RRP7A: variants seen among roughly 807,000 people sequenced by gnomAD.
RRP7A encodes ribosomal RNA processing 7 homolog A.
RRP7A carries 27 observed loss-of-function variants against 38.4 expected under a neutral mutation model. That is an observed-to-expected ratio of 0.70 (90% CI 0.52 to 0.97). RRP7A has a LOEUF of 0.97. Among genes scored for constraint, RRP7A ranks in the 50% least tolerant of loss-of-function variants. The pLI, the probability that RRP7A is intolerant of heterozygous loss-of-function variation, is 0.00. For synonymous variants in RRP7A, 124 were observed against 150.3 expected (o/e 0.83, Z 1.28); for missense variants, 327 against 375.4 (o/e 0.87, Z 1.07).
rs1487197726 is a variant in RRP7A at position 42,511,339 on chromosome 22, G to C, written c.*1571C>G. ...TTACAGGCACCTGCCACCATGCCCA[G>C]CTAATTTTTATATTTTTAAGAGATG... is the stretch of plus-strand genomic sequence containing the variant. On this transcript the variant is annotated 3_prime_UTR_variant, in exon 7 of 7. Transcript: ENST00000323013. 6.6e-6 allele frequency: 1 copy of C among 152,318 alleles called. No homozygotes were observed. The highest frequency in any genetic ancestry group is 6.6e-5 in the Admixed American group (1 of 15,266). 9.4% of individuals were successfully genotyped at this position (152,318 alleles called of 1,614,324 possible).
At position 42,516,112 on chromosome 22, in the gene RRP7A, T is replaced by TG; in HGVS notation, c.240dup (p.Thr81HisfsTer18). ...TCTACAGACTGGACGAGGCCACAGG[T>TG]GGACAGGAGGCGGGACAGGCTCTCC... is the stretch of plus-strand genomic sequence containing the variant. On this transcript the variant is annotated frameshift_variant, in exon 3 of 7. Transcript: ENST00000323013. LOFTEE classifies it high-confidence loss of function. The TG allele has an allele frequency of 1.9e-6, 3 of 1,613,528 alleles. No homozygotes were observed. Among genetic ancestry groups the TG allele is most frequent in the Non-Finnish European group, 2.5e-6 (3 of 1,179,738 alleles).
chr22:42,516,403 G>A (rs1481048883), intron 2 of RRP7A: 1 of 497,574 alleles, frequency 2.0e-6, no homozygotes, highest in Non-Finnish European at 3.9e-6. Flanking sequence ...TCCACCTTCG[G>A]GTTGCAAGTG....
At position 42,510,846 on chromosome 22, in the gene RRP7A, A is replaced by G. The variant is rs976015904; in HGVS notation, c.*2064T>C. On this transcript the variant is annotated 3_prime_UTR_variant, in exon 7 of 7. Transcript: ENST00000323013. The stretch of plus-strand genomic sequence containing the variant: ...CTGCCCCCAGGCCCAACAAGTGACC[A>G]CCAGGATCTATCAGGCCTCATGCTC... The G allele has an allele frequency of 1.7e-6, 2 of 1,156,854 alleles. No individual in the cohort carries two copies. The highest frequency in any genetic ancestry group is 5.1e-5 in the South Asian group (2 of 39,262). 71.7% of individuals were successfully genotyped at this position (1,156,854 alleles called of 1,614,324 possible).
At chr22:42,519,400 G>T (rs930237252) in intron 1 of RRP7A, among the ~76,000 whole-genome samples, 4 of 152,188 alleles carry the variant, frequency 2.6e-5, no homozygotes, top group African/African-American at 9.6e-5. Flanking sequence ...GATGAGAAGG[G>T]GATGGGCTCA....
intron 6 of RRP7A, 38 bp from the exon 7 acceptor site, chr22:42,513,033 C>T (rs1306679912): frequency 1.3e-5 from 20 of 1,569,928 alleles, no homozygotes; most frequent in African/African-American, 9.4e-5. Flanking sequence ...GGTCAGACAG[C>T]GCGCCCCGGG....
chr22:42,512,045 C>T lies in RRP7A; in HGVS notation c.*865G>A, dbSNP rs1601804231. The T allele has an allele frequency of 8.6e-7, 1 of 1,159,504 alleles. No individual in the cohort carries two copies. The allele number at this position is 1,159,504 out of a possible 1,614,324, so 71.8% of individuals were successfully genotyped here. A position where few individuals can be genotyped will look rare whatever the true frequency, so the allele number is the denominator to read the frequency against. On this transcript the variant is annotated 3_prime_UTR_variant, in exon 7 of 7. Transcript: ENST00000323013. ...GGAGCTGGAATGCTGTGGGAGGGCC[C>T]TGACCCCGGGGCCCATGGAGCTCCC...
rs1356776589 is a variant in RRP7A at position 42,509,727 on chromosome 22, A to C, written c.*3183T>G. Among the ~76,000 whole-genome samples the C allele has an allele frequency of 6.6e-6, 1 of 151,606 alleles. No individual in the cohort carries two copies. Among genetic ancestry groups the C allele is most frequent in the East Asian group, 1.9e-4 (1 of 5,192 alleles). The stretch of plus-strand genomic sequence containing the variant: ...AACATCGCACTAAGTGGATGAAGTC[A>C]GACACAACCGTCTACGTGTTGTATG... On this transcript the variant is annotated 3_prime_UTR_variant, in exon 7 of 7. Transcript: ENST00000323013.
chr22:42,512,745 G>A lies in RRP7A; in HGVS notation c.*165C>T, dbSNP rs1004240732. The A allele has an allele frequency of 5.5e-6, 4 of 725,006 alleles. No homozygotes were observed. The African/African-American group carries it at 6.9e-5, about 13-fold the overall frequency. The allele number at this position is 725,006 out of a possible 1,614,324, so 44.9% of individuals were successfully genotyped here. On this transcript the variant is annotated 3_prime_UTR_variant, in exon 7 of 7. Coordinates refer to ENST00000323013, the MANE Select transcript of RRP7A (RefSeq NM_015703.5). ...AAGCACAAGACCCGAGGGGTGGCCTGGTCCTTCCCTCCTGGCCTGTGTGGA... is the reference window on the plus strand; with the variant it reads ...AAGCACAAGACCCGAGGGGTGGCCTAGTCCTTCCCTCCTGGCCTGTGTGGA...
At chr22:42,517,554 CTG>C (rs1920933887) in intron 2 of RRP7A, among the ~76,000 whole-genome samples, 1 of 152,084 alleles carries the variant, frequency 6.6e-6, no homozygotes, top group African/African-American at 2.4e-5. Flanking sequence ...GAGTCTCACT[CTG>C]TTGCCCAGGC....
Position 42,514,272 on chromosome 22 carries a change from G to A in RRP7A, c.591C>T (p.Val197=). 2 of 1,598,410 alleles carry A rather than the reference G, an allele frequency of 1.3e-6. No homozygotes were observed. The highest frequency in any genetic ancestry group is 1.1e-5 in the South Asian group (1 of 90,394). ...EEAKAKEEEG[V]PDEEGWVKVT... is the part of the protein sequence containing the mutation. ...CCTTCACCCAGCCCTCCTCGTCAGGGACCCCCTCCTCCTCCTTGGCCTTAG... is the reference window on the plus strand; with the variant it reads ...CCTTCACCCAGCCCTCCTCGTCAGGAACCCCCTCCTCCTCCTTGGCCTTAG... Residue 197 remains valine, a synonymous_variant, in exon 6 of 7, where the codon GTC becomes GTT. Coordinates refer to ENST00000323013, the MANE Select transcript of RRP7A (RefSeq NM_015703.5).
Position 42,518,029 on chromosome 22 carries a change from G to A in RRP7A, c.192C>T (p.Leu64=). 3 of 1,613,492 alleles carry A rather than the reference G, an allele frequency of 1.9e-6. No individual in the cohort carries two copies. The highest frequency in any genetic ancestry group is 1.1e-5 in the South Asian group (1 of 90,982). ...CCTCTGTGCAGTATGGGGGCACATT[G>A]AGGACAAAAAGAGTCCTCTTCTGAG... is the stretch of plus-strand genomic sequence containing the variant. The part of the protein sequence containing the change: ...TWPQKRTLFV[L]NVPPYCTEES... The change falls in exon 2 of 7, where the codon CTC becomes CTT. Residue 64 remains leucine, a synonymous_variant. Coordinates refer to ENST00000323013, the MANE Select transcript of RRP7A (RefSeq NM_015703.5).
Position 42,510,696 on chromosome 22 carries a change from T to G in RRP7A, c.*2214A>C. On this transcript the variant is annotated 3_prime_UTR_variant, in exon 7 of 7. Coordinates refer to ENST00000323013, the MANE Select transcript of RRP7A (RefSeq NM_015703.5). ...GACAAGGAGTCCCTGTCGTTCATGA[T>G]AGACACAATGAAATCCACCCTCAAA... The G allele has an allele frequency of 1.3e-6, 2 of 1,490,920 alleles. No individual in the cohort carries two copies. The highest frequency in any genetic ancestry group is 1.2e-5 in the South Asian group (1 of 84,486). The allele number at this position is 1,490,920 out of a possible 1,614,324, so 92.4% of individuals were successfully genotyped here.
intron 3 of RRP7A, among the ~76,000 whole-genome samples, chr22:42,515,673 C>G (rs1032052180): frequency 6.6e-5 from 10 of 152,286 alleles, no homozygotes; most frequent in African/African-American, 2.4e-4. Flanking sequence ...AAGCTGTGAA[C>G]AACAGTGCTC....
intron 1 of RRP7A, chr22:42,518,750 G>C (rs911169121): frequency 2.1e-6 from 1 of 470,784 alleles, no homozygotes; most frequent in African/African-American, 2.0e-5. Context: ...AGATTCTTTG[G>C]TTAATCGCTG....
chr22:42,509,136 T>G lies in RRP7A; in HGVS notation c.*3774A>C, dbSNP rs1932363424. 1 of 1,613,978 alleles carries G rather than the reference T, an allele frequency of 6.2e-7. No individual in the cohort carries two copies. The highest frequency in any genetic ancestry group is 8.5e-7 in the Non-Finnish European group (1 of 1,179,858). ...GTGAGTCTGGACCCATCCCCTTCAGTCACCCCCCAAGGAGACATGGGCGCC... is the reference window on the plus strand; with the variant it reads ...GTGAGTCTGGACCCATCCCCTTCAGGCACCCCCCAAGGAGACATGGGCGCC... On this transcript the variant is annotated 3_prime_UTR_variant, in exon 7 of 7. Coordinates refer to ENST00000323013, the MANE Select transcript of RRP7A (RefSeq NM_015703.5).
At position 42,509,381 on chromosome 22, in the gene RRP7A, A is replaced by G. The variant is rs558227346; in HGVS notation, c.*3529T>C. 1.3e-5 allele frequency among the ~76,000 whole-genome samples: 2 copies of G among 151,036 alleles called. No individual in the cohort carries two copies. Among genetic ancestry groups the G allele is most frequent in the South Asian group, 4.2e-4 (2 of 4,808 alleles). On this transcript the variant is annotated 3_prime_UTR_variant, in exon 7 of 7. Transcript: ENST00000323013. ...GGGGGGCATGCCCAGGTAAGGCTCC[A>G]TAACCAGTGAGCCCAGTCTCGACTC...
intron 6 of RRP7A, among the ~76,000 whole-genome samples, 192 bp from the exon 7 acceptor site, chr22:42,513,187 G>A (rs111299519): frequency 0.046 from 6,343 of 138,338 alleles, 728 homozygotes; most frequent in African/African-American, 0.15. Flanking sequence ...ACGGCAGGCC[G>A]AGTCCAAGGG....
In RRP7A at chr22:42,509,155, G is replaced by T. The variant is rs770468810; in HGVS notation, c.*3755C>A. 6.2e-7 allele frequency: 1 copy of T among 1,612,704 alleles called. No homozygotes were observed. Among genetic ancestry groups the T allele is most frequent in the Non-Finnish European group, 8.5e-7 (1 of 1,179,050 alleles). ...CTTCAGTCACCCCCCAAGGAGACAT[G>T]GGCGCCAGGAATCTCTGGGAGGGGG... On this transcript the variant is annotated 3_prime_UTR_variant, in exon 7 of 7. Coordinates refer to ENST00000323013, the MANE Select transcript of RRP7A (RefSeq NM_015703.5).
intron 2 of RRP7A, 41 bp downstream of exon 2, chr22:42,517,964 C>G (rs1301870307): frequency 6.3e-7 from 1 of 1,599,792 alleles, no homozygotes; most frequent in Non-Finnish European, 8.5e-7. Context: ...GAGCCCCCAC[C>G]TTGAGCCCAC....
Sources: allele counts gnomAD v4.1 joint callset (sites outside exome capture counted in the v4.1 genomes callset), GRCh38; gene constraint gnomAD v4.1.1; transcripts MANE v1.5; gene names NCBI Gene and HGNC (gene_info 2026-07-23, HGNC 2026-07-21).